GSG1L: variants seen among roughly 807,000 people sequenced by gnomAD.
The protein encoded by GSG1L is germ cell-specific gene 1-like protein.
GSG1L carries 24 observed loss-of-function variants against 42.1 expected under a neutral mutation model. The ratio of observed to expected loss-of-function variants is 0.57; its 90% CI spans 0.41 to 0.80. The LOEUF is 0.80. Ranked by LOEUF, GSG1L falls within the 30% of genes least tolerant of loss-of-function variation. GSG1L has a pLI of 0.00. For synonymous variants in GSG1L, 215 were observed against 203.5 expected, an observed-to-expected ratio of 1.06 and a Z score of -0.48; for missense variants, 445 against 472.2, an observed-to-expected ratio of 0.94 and a Z score of 0.53.
At chr16:27,844,928 C>T (rs748605853) in intron 4 of GSG1L, 22 bp downstream of exon 4, 1 of 1,453,594 alleles carries the variant, frequency 6.9e-7, no homozygotes, top group Non-Finnish European at 9.5e-7. Flanking sequence ...TGAAGCTGCT[C>T]TTGTCCTGAA....
intron 2 of GSG1L, among the ~76,000 whole-genome samples, chr16:27,924,701 A>C (rs1484688257): frequency 6.6e-6 from 1 of 152,232 alleles, no homozygotes; most frequent in Non-Finnish European, 1.5e-5. Context: ...TATCACACAC[A>C]AAAGAAAACT....
chr16:27,865,521 TTC>T (rs2083703819), intron 3 of GSG1L, among the ~76,000 whole-genome samples: 9 of 68,820 alleles, frequency 1.3e-4, no homozygotes, highest in Admixed American at 4.2e-4. Flanking sequence ...CTCTCTCTCT[TTC>T]TATATATATA....
chr16:27,792,380 C>A (rs1432696193), intron 6 of GSG1L, among the ~76,000 whole-genome samples: 1 of 152,152 alleles, frequency 6.6e-6, no homozygotes, highest in African/African-American at 2.4e-5. Flanking sequence ...GTGGACTGGA[C>A]AAGGGGAAGG....
rs2082734819 is a variant in GSG1L, at chr16:27,790,024, G to A, written c.*1346C>T. On this transcript the variant is annotated 3_prime_UTR_variant, in exon 7 of 7. Coordinates refer to ENST00000447459, the MANE Select transcript of GSG1L (RefSeq NM_001109763.2). Reference sequence around the variant, plus strand: ...ATGGATGGATGGATGGATAGATGATGGATAGCTGATGAATGAGTGGATGGA... The same window carrying A: ...ATGGATGGATGGATGGATAGATGATAGATAGCTGATGAATGAGTGGATGGA... 6.6e-6 allele frequency: 1 copy of A among 151,390 alleles called. No individual in the cohort carries two copies. Among genetic ancestry groups the A allele is most frequent in the Non-Finnish European group, 1.5e-5 (1 of 67,892 alleles). The allele number at this position is 151,390 out of a possible 1,614,324, so 9.4% of individuals were successfully genotyped here.
chr16:28,048,348 G>A (rs2086187866), intron 1 of GSG1L, among the ~76,000 whole-genome samples: 1 of 151,820 alleles, frequency 6.6e-6, no homozygotes, highest in Admixed American at 6.6e-5. Context: ...AAAAATATAA[G>A]GCAGAAATTG....
chr16:27,827,374 G>T (rs1440744574), intron 5 of GSG1L, among the ~76,000 whole-genome samples: 4 of 152,180 alleles, frequency 2.6e-5, no homozygotes, highest in Admixed American at 1.3e-4. Flanking sequence ...AACAGCCTGT[G>T]ATTGTGCAAG....
chr16:27,903,733 C>T (rs1434572292), intron 2 of GSG1L, among the ~76,000 whole-genome samples: 3 of 152,082 alleles, frequency 2.0e-5, no homozygotes, highest in Non-Finnish European at 2.9e-5. Flanking sequence ...AGGGGCTTGG[C>T]GGACAGAGTG....
intron 1 of GSG1L, among the ~76,000 whole-genome samples, chr16:27,983,517 G>T (rs151162281): frequency 1.6e-4 from 25 of 152,296 alleles, no homozygotes; most frequent in African/African-American, 5.3e-4. Context: ...TTTCAGGGAA[G>T]CTTGATAAAT....
intron 2 of GSG1L, among the ~76,000 whole-genome samples, chr16:27,893,356 G>GA (rs943729570): frequency 3.3e-5 from 5 of 152,090 alleles, no homozygotes; most frequent in African/African-American, 9.7e-5. Context: ...TTGACTGAGT[G>GA]AAAAAACATA....
intron 1 of GSG1L, among the ~76,000 whole-genome samples, chr16:28,039,799 C>T (rs1317297853): frequency 6.6e-6 from 1 of 152,060 alleles, no homozygotes; most frequent in East Asian, 1.9e-4. Flanking sequence ...CACATACGCA[C>T]ACAGGCACAT....
At chr16:27,890,320 T>A (rs2084110879) in intron 2 of GSG1L, among the ~76,000 whole-genome samples, 1 of 152,040 alleles carries the variant, frequency 6.6e-6, no homozygotes, top group South Asian at 2.1e-4. Flanking sequence ...GAGAAGGCAA[T>A]CTGGAGGATT....
intron 1 of GSG1L, among the ~76,000 whole-genome samples, chr16:28,011,309 A>T (rs1387651302): frequency 6.6e-6 from 1 of 152,334 alleles, no homozygotes; most frequent in East Asian, 1.9e-4. Context: ...AGCCGCCTGC[A>T]GGGCATCCTC....
intron 1 of GSG1L, among the ~76,000 whole-genome samples, chr16:27,997,988 T>A (rs2085537105): frequency 6.6e-6 from 1 of 150,868 alleles, no homozygotes; most frequent in South Asian, 2.1e-4. Flanking sequence ...GCCTCCCAAA[T>A]AGCTGAGATT....
intron 1 of GSG1L, among the ~76,000 whole-genome samples, chr16:28,033,798 C>G (rs770951344): frequency 7.9e-5 from 12 of 152,106 alleles, no homozygotes; most frequent in Non-Finnish European, 1.5e-4. Flanking sequence ...ATTATTATGA[C>G]TATGGAAATT....
At chr16:27,950,699 C>T (rs2084940863) in intron 2 of GSG1L, among the ~76,000 whole-genome samples, 1 of 152,158 alleles carries the variant, frequency 6.6e-6, no homozygotes, top group African/African-American at 2.4e-5. Flanking sequence ...CAGTTGACCT[C>T]TCTGGGCTCT....
intron 2 of GSG1L, among the ~76,000 whole-genome samples, chr16:27,888,993 GA>G (rs1273285799): frequency 9.1e-6 from 1 of 110,188 alleles, no homozygotes; most frequent in Non-Finnish European, 2.1e-5. Flanking sequence ...CAGATATATA[GA>G]TTTTTTTTGA....
chr16:27,812,851 C>T (rs962266221), intron 5 of GSG1L, among the ~76,000 whole-genome samples: 51 of 152,020 alleles, frequency 3.4e-4, no homozygotes, highest in African/African-American at 1.2e-3. Context: ...TGAAGTGGTG[C>T]GATCTCAGCT....
At chr16:27,974,661 G>A (rs1410157134) in intron 1 of GSG1L, among the ~76,000 whole-genome samples, 5 of 152,140 alleles carry the variant, frequency 3.3e-5, no homozygotes, top group Admixed American at 3.3e-4. Flanking sequence ...CATCTTGCTT[G>A]CAGGCCAGGG....
At chr16:27,807,921 A>G (rs2082986084) in intron 5 of GSG1L, among the ~76,000 whole-genome samples, 1 of 152,266 alleles carries the variant, frequency 6.6e-6, no homozygotes, top group Non-Finnish European at 1.5e-5. Flanking sequence ...TCAGAATTAT[A>G]CATTGAAAGG....
Sources: gnomAD v4.1 joint callset for allele counts (sites outside exome capture counted in the v4.1 genomes callset) on GRCh38, gnomAD v4.1.1 for gene constraint, MANE v1.5 for transcripts, NCBI Gene and HGNC (gene_info 2026-07-23, HGNC 2026-07-21) for gene names.